Variants in TMEM200A observed in about 807,000 individuals in gnomAD.
The protein encoded by TMEM200A is transmembrane protein 200A.
A neutral mutation model predicts 24.3 loss-of-function variants in TMEM200A; 12 were observed. The observed-to-expected ratio is 0.49, with a 90% confidence interval of 0.32 to 0.80. The LOEUF (loss-of-function observed/expected upper bound fraction) is 0.80, where lower values mean the gene tolerates loss of function less well. TMEM200A is among the 30% of genes least tolerant of loss of function. TMEM200A has a pLI of 0.04. For synonymous variants in TMEM200A, 224 were observed against 224.4 expected (o/e 1.00, Z 0.02); for missense variants, 545 against 614.4 (o/e 0.89, Z 1.19).
chr6:130,368,438 G>C (rs923881797), intron 1 of TMEM200A, among the ~76,000 whole-genome samples: 7 of 152,150 alleles, frequency 4.6e-5, no homozygotes, highest in South Asian at 2.1e-4. Context: ...ATCAAATAGA[G>C]GGTAGAATTT....
In TMEM200A at chr6:130,391,878, G is replaced by A. The variant is rs1778841861; in HGVS notation, c.-17+6642G>A. 2.6e-5 allele frequency among the ~76,000 whole-genome samples: 4 copies of A among 151,732 alleles called. No individual in the cohort carries two copies. The South Asian group carries it at 8.4e-4, about 32-fold the overall frequency. On this transcript the variant is annotated intron_variant, in intron 2 of 2. Transcript: ENST00000296978. ...CTGCCTCAGCCTCCCGAGTAGCTGG[G>A]ATAACGGGTGCCCGCCACCATGCCC...
intron 2 of TMEM200A, among the ~76,000 whole-genome samples, chr6:130,431,696 G>A (rs113903991): frequency 2.6e-5 from 4 of 152,068 alleles, no homozygotes; most frequent in African/African-American, 4.8e-5. Flanking sequence ...TGTATTCTAC[G>A]GGCTTCTGGC....
intron 2 of TMEM200A, among the ~76,000 whole-genome samples, chr6:130,414,270 A>G (rs2115167204): frequency 6.6e-6 from 1 of 152,006 alleles, no homozygotes; most frequent in South Asian, 2.1e-4. Flanking sequence ...CATCTCTACT[A>G]AAAATACAAA....
intron 1 of TMEM200A, among the ~76,000 whole-genome samples, chr6:130,376,889 G>A (rs1368465809): frequency 3.3e-5 from 5 of 151,908 alleles, no homozygotes; most frequent in Admixed American, 2.6e-4. Flanking sequence ...TTTATTTTGT[G>A]AGTCTCCCAA....
intron 2 of TMEM200A, among the ~76,000 whole-genome samples, chr6:130,406,046 A>G (rs918405362): frequency 3.3e-5 from 5 of 152,166 alleles, no homozygotes; most frequent in African/African-American, 1.2e-4. Context: ...AAGTTAATGC[A>G]TTCTTTAGGA....
chr6:130,413,157 A>G (rs147819277), intron 2 of TMEM200A, among the ~76,000 whole-genome samples: 1 of 152,180 alleles, frequency 6.6e-6, no homozygotes, highest in South Asian at 2.1e-4. Context: ...GGTTGCTCTC[A>G]TTCTACACAT....
At chr6:130,435,951 T>G (rs899870671) in intron 2 of TMEM200A, among the ~76,000 whole-genome samples, 22 of 152,212 alleles carry the variant, frequency 1.4e-4, no homozygotes, top group Non-Finnish European at 3.1e-4. Context: ...TTCAAACTTA[T>G]GTACTCCCCA....
chr6:130,386,171 C>T (rs1778707147), intron 2 of TMEM200A, among the ~76,000 whole-genome samples: 1 of 152,222 alleles, frequency 6.6e-6, no homozygotes, highest in East Asian at 1.9e-4. Flanking sequence ...TAAGATACCT[C>T]TAAGATAAAT....
chr6:130,392,626 T>C (rs1583188723), intron 2 of TMEM200A, among the ~76,000 whole-genome samples: 1 of 152,222 alleles, frequency 6.6e-6, no homozygotes, highest in Non-Finnish European at 1.5e-5. Context: ...AATCCCAACA[T>C]GCTTCTATGC....
At chr6:130,407,988 C>A (rs749548409) in intron 2 of TMEM200A, among the ~76,000 whole-genome samples, 3 of 152,208 alleles carry the variant, frequency 2.0e-5, no homozygotes, top group Non-Finnish European at 4.4e-5. Context: ...TTCATCAAAC[C>A]TATTTTGAGC....
chr6:130,422,583 T>C (rs1225272406), intron 2 of TMEM200A, among the ~76,000 whole-genome samples: 1 of 152,214 alleles, frequency 6.6e-6, no homozygotes, highest in African/African-American at 2.4e-5. Flanking sequence ...TACTTTTTAA[T>C]GTTGCTTTTG....
chr6:130,376,937 A>T (rs757964541), intron 1 of TMEM200A, among the ~76,000 whole-genome samples: 20 of 152,212 alleles, frequency 1.3e-4, no homozygotes, highest in Admixed American at 6.5e-5. Context: ...TTTCATGCAT[A>T]ATTGAATATA....
upstream of TMEM200A, chr6:130,365,800 A>T (rs1301465772): frequency 4.1e-6 from 4 of 985,302 alleles, no homozygotes; most frequent in Non-Finnish European, 3.6e-6. Context: ...CGGGACGCGG[A>T]TCGGCCGGCC....
chr6:130,436,662 T>TTTTC (rs1408022765), intron 2 of TMEM200A, among the ~76,000 whole-genome samples: 2 of 128,286 alleles, frequency 1.6e-5, no homozygotes, highest in Non-Finnish European at 3.2e-5. Context: ...TTTTTTTTTT[T>TTTTC]CAGAGAGACA....
intron 2 of TMEM200A, among the ~76,000 whole-genome samples, chr6:130,410,490 C>G (rs1365893779): frequency 2.0e-5 from 3 of 152,056 alleles, no homozygotes; most frequent in East Asian, 1.9e-4. Context: ...GAAAAAGAAC[C>G]ATGTAAAGAA....
At chr6:130,436,631 C>CTTTTTTTTTTTT (rs1203926640) in intron 2 of TMEM200A, among the ~76,000 whole-genome samples, 2 of 92,924 alleles carry the variant, frequency 2.2e-5, no homozygotes, top group Admixed American at 1.3e-4. Context: ...TTTCTTTATC[C>CTTTTTTTTTTTT]TTTTTTTTTT....
chr6:130,407,218 T>A (rs1017362734), intron 2 of TMEM200A, among the ~76,000 whole-genome samples: 1 of 152,186 alleles, frequency 6.6e-6, no homozygotes, highest in Admixed American at 6.5e-5. Context: ...TGCTTAAATG[T>A]ATTTTAAGTA....
chr6:130,388,450 A>G (rs1389739604), intron 2 of TMEM200A, among the ~76,000 whole-genome samples: 1 of 152,242 alleles, frequency 6.6e-6, no homozygotes, highest in Non-Finnish European at 1.5e-5. Flanking sequence ...GCATAGCCTC[A>G]GGGTGTGACA....
At chr6:130,397,458 G>T (rs1407831108) in intron 2 of TMEM200A, among the ~76,000 whole-genome samples, 1 of 151,930 alleles carries the variant, frequency 6.6e-6, no homozygotes, top group Non-Finnish European at 1.5e-5. Flanking sequence ...ATGGCAAATT[G>T]TTCATTTTGC....
Sources: allele counts gnomAD v4.1 joint callset (sites outside exome capture counted in the v4.1 genomes callset), GRCh38; gene constraint gnomAD v4.1.1; transcripts MANE v1.5; gene names NCBI Gene and HGNC (gene_info 2026-07-23, HGNC 2026-07-21).